Variants in MICAL2 observed in about 807,000 individuals in gnomAD.
The protein encoded by MICAL2 is microtubule associated monooxygenase, calponin and LIM domain containing 2.
A neutral mutation model predicts 127.3 loss-of-function variants in MICAL2; 77 were observed. The observed-to-expected ratio is 0.60, with a 90% CI of 0.50 to 0.73. MICAL2 has a LOEUF of 0.73. Ranked by LOEUF, MICAL2 falls within the 30% of genes least tolerant of loss-of-function variation. The probability of loss-of-function intolerance (pLI) is 0.00; values close to 1 mark genes in which losing one functional copy is unlikely to be tolerated. For missense variants in MICAL2, 1,351 were observed against 1,434.4 expected, an observed-to-expected ratio of 0.94 and a Z score of 0.94; for synonymous variants, 570 against 551.1, an observed-to-expected ratio of 1.03 and a Z score of -0.48.
At chr11:12,300,030 C>T (rs1864029333) in intron 29 of MICAL2, among the ~76,000 whole-genome samples, 1 of 152,088 alleles carries the variant, frequency 6.6e-6, no homozygotes, top group South Asian at 2.1e-4. Flanking sequence ...CATGGTGGCT[C>T]ACAAATGTAA....
intron 3 of MICAL2, among the ~76,000 whole-genome samples, chr11:12,201,614 G>A (rs1387781106): frequency 6.6e-6 from 1 of 152,066 alleles, no homozygotes; most frequent in Non-Finnish European, 1.5e-5. Context: ...AGACAGTATC[G>A]ATGTTCCTCG....
intron 10 of MICAL2, among the ~76,000 whole-genome samples, chr11:12,222,301 G>A (rs536930557): frequency 3.3e-5 from 5 of 152,250 alleles, no homozygotes; most frequent in South Asian, 2.1e-4. Context: ...GGAGCAGGCC[G>A]CAGGAGGCAG....
chr11:12,305,864 G>A (rs1285354293), intron 29 of MICAL2, among the ~76,000 whole-genome samples: 1 of 152,164 alleles, frequency 6.6e-6, no homozygotes, highest in Non-Finnish European at 1.5e-5. Flanking sequence ...GGCATGTGGG[G>A]TTTTTTAAAT....
At position 12,262,528 on chromosome 11, in the gene MICAL2, C is replaced by G; in HGVS notation, c.*8C>G. On this transcript the variant is annotated 3_prime_UTR_variant, in exon 27 of 28. Coordinates refer to ENST00000683283, the MANE Select transcript of MICAL2 (RefSeq NM_001282663.2). ...CACCCACTTCTTGGCTGACACACTT[C>G]TGCTCTAAGGTGACTGGTTTTCTTG... is the stretch of plus-strand genomic sequence containing the variant. 1 of 1,612,862 alleles carries G rather than the reference C, an allele frequency of 6.2e-7. No homozygotes were observed. Among genetic ancestry groups the G allele is most frequent in the Non-Finnish European group, 8.5e-7 (1 of 1,178,936 alleles).
At chr11:12,262,383 G>A in intron 26 of MICAL2, 97 bp from the exon 27 acceptor site, 1 of 1,586,690 alleles carries the variant, frequency 6.3e-7, no homozygotes, top group East Asian at 2.2e-5. Context: ...TTCAACTCCG[G>A]TGCCTTCTCG....
intron 29 of MICAL2, among the ~76,000 whole-genome samples, chr11:12,315,640 T>A (rs964261848): frequency 1.3e-5 from 2 of 152,220 alleles, no homozygotes; most frequent in Non-Finnish European, 2.9e-5. Context: ...TAGAACTTTA[T>A]CAAGATTGTT....
chr11:12,299,357 G>A (rs562990514), intron 29 of MICAL2, among the ~76,000 whole-genome samples: 15 of 152,196 alleles, frequency 9.9e-5, no homozygotes, highest in Middle Eastern at 3.4e-3. Context: ...TAACTTGGGG[G>A]TGCACACTTC....
intron 7 of MICAL2, among the ~76,000 whole-genome samples, chr11:12,216,010 G>A (rs1337763631): frequency 6.6e-6 from 1 of 152,156 alleles, no homozygotes; most frequent in African/African-American, 2.4e-5. Flanking sequence ...GAATAATGCC[G>A]CTATAGAACT....
At chr11:12,348,794 A>C (rs1490156760) in intron 32 of MICAL2, among the ~76,000 whole-genome samples, 1 of 152,198 alleles carries the variant, frequency 6.6e-6, no homozygotes, top group East Asian at 1.9e-4. Context: ...TTCAGCTATC[A>C]AGTGGTGATG....
intron 1 of MICAL2, among the ~76,000 whole-genome samples, chr11:12,120,813 C>A (rs564379506): frequency 2.6e-4 from 40 of 152,256 alleles, no homozygotes; most frequent in African/African-American, 9.6e-4. Context: ...GTGGACTGAA[C>A]CCAGCGGACT....
intron 4 of MICAL2, among the ~76,000 whole-genome samples, chr11:12,206,484 G>T (rs1428471707): frequency 6.6e-6 from 1 of 152,170 alleles, no homozygotes; most frequent in East Asian, 1.9e-4. Flanking sequence ...TACTGAGTAG[G>T]AACCTCAGGA....
intron 3 of MICAL2, among the ~76,000 whole-genome samples, chr11:12,176,957 T>C (rs1362631217): frequency 6.6e-6 from 1 of 152,232 alleles, no homozygotes; most frequent in Non-Finnish European, 1.5e-5. Flanking sequence ...TTCTTCATGA[T>C]CTATGGATAT....
intron 2 of MICAL2, among the ~76,000 whole-genome samples, chr11:12,160,847 C>G (rs1590125365): frequency 6.6e-6 from 1 of 152,324 alleles, no homozygotes; most frequent in South Asian, 2.1e-4. Context: ...TGCTAATGCA[C>G]CAGTAATTGT....
At chr11:12,282,664 T>C (rs1285472437) in intron 2 of MICAL2, among the ~76,000 whole-genome samples, 1 of 152,188 alleles carries the variant, frequency 6.6e-6, no homozygotes, top group Non-Finnish European at 1.5e-5. Context: ...ACACAGAACA[T>C]CGTTACTCTC....
At chr11:12,327,018 T>C (rs1864360619) in intron 31 of MICAL2, among the ~76,000 whole-genome samples, 1 of 152,192 alleles carries the variant, frequency 6.6e-6, no homozygotes, top group African/African-American at 2.4e-5. Context: ...CAGGGTATAG[T>C]TGTCTGGGAA....
chr11:12,140,055 G>A (rs1245225988), intron 2 of MICAL2, among the ~76,000 whole-genome samples: 1 of 152,120 alleles, frequency 6.6e-6, no homozygotes, highest in Admixed American at 6.6e-5. Flanking sequence ...CTGACTGCCA[G>A]TTTCATCTCC....
upstream of MICAL2, among the ~76,000 whole-genome samples, chr11:12,273,544 G>A (rs1590716927): frequency 7.0e-6 from 1 of 143,714 alleles, no homozygotes; most frequent in South Asian, 2.2e-4. Flanking sequence ...CTGCAGACAT[G>A]TTTTTTTTTT....
At chr11:12,131,593 T>A (rs1851424180) in intron 1 of MICAL2, among the ~76,000 whole-genome samples, 1 of 152,338 alleles carries the variant, frequency 6.6e-6, no homozygotes, top group East Asian at 1.9e-4. Context: ...TTTCTCCATA[T>A]GCTTGCTGGG....
chr11:12,348,153 C>CAAAAAAAAAAAAAAAAAAAA (rs57602704), intron 32 of MICAL2, among the ~76,000 whole-genome samples: 2 of 79,144 alleles, frequency 2.5e-5, no homozygotes, highest in Non-Finnish European at 4.6e-5. Context: ...GACTCTGTCT[C>CAAAAAAAAAAAAAAAAAAAA]AAAAAAAAAA....
Sources: allele counts gnomAD v4.1 joint callset (sites outside exome capture counted in the v4.1 genomes callset), GRCh38; gene constraint gnomAD v4.1.1; transcripts MANE v1.5; gene names NCBI Gene and HGNC (gene_info 2026-07-23, HGNC 2026-07-21).